MAGI2: variants seen among roughly 807,000 people sequenced by gnomAD.
The protein encoded by MAGI2 is membrane associated guanylate kinase, WW and PDZ domain containing 2.
A neutral mutation model predicts 133.3 loss-of-function variants in MAGI2; 35 were observed. That is an observed-to-expected ratio of 0.26 (90% CI 0.20 to 0.35). The LOEUF (loss-of-function observed/expected upper bound fraction) is 0.35, where lower values mean the gene tolerates loss of function less well. MAGI2 is among the 10% of genes least tolerant of loss of function. MAGI2 has a pLI of 1.00. For synonymous variants in MAGI2, 729 were observed against 710.6 expected, an observed-to-expected ratio of 1.03 and a Z score of -0.41; for missense variants, 1,636 against 1,863.4, an observed-to-expected ratio of 0.88 and a Z score of 2.25.
chr7:79,167,977 G>A (rs1335728913), intron 1 of MAGI2, among the ~76,000 whole-genome samples: 3 of 152,100 alleles, frequency 2.0e-5, no homozygotes, highest in Non-Finnish European at 4.4e-5. Context: ...ACAATAGCAT[G>A]AACGATCTGT....
chr7:78,149,721 C>T (rs1370711641), intron 16 of MAGI2, among the ~76,000 whole-genome samples: 1 of 152,184 alleles, frequency 6.6e-6, no homozygotes, highest in Non-Finnish European at 1.5e-5. Flanking sequence ...GAAGACCCTC[C>T]TCTCATGATG....
chr7:78,248,459 A>G (rs1358558070), intron 10 of MAGI2, among the ~76,000 whole-genome samples: 1 of 152,160 alleles, frequency 6.6e-6, no homozygotes, highest in African/African-American at 2.4e-5. Context: ...GAAATCTCCA[A>G]TCAAAAGACA....
intron 20 of MAGI2, among the ~76,000 whole-genome samples, chr7:78,086,383 G>A (rs989975181): frequency 6.6e-5 from 10 of 151,324 alleles, no homozygotes; most frequent in Admixed American, 4.0e-4. Context: ...GATTACAGGC[G>A]CACTCCACCA....
chr7:78,604,961 C>A (rs1009620223), intron 3 of MAGI2, among the ~76,000 whole-genome samples: 1 of 152,166 alleles, frequency 6.6e-6, no homozygotes, highest in Non-Finnish European at 1.5e-5. Flanking sequence ...TGTATCCATA[C>A]TTCCAATAAT....
chr7:79,093,391 A>G (rs1002979345), intron 1 of MAGI2, among the ~76,000 whole-genome samples: 1 of 152,186 alleles, frequency 6.6e-6, no homozygotes, highest in Non-Finnish European at 1.5e-5. Context: ...CCAGACCACC[A>G]CAATAAAGCA....
At chr7:78,303,150 G>A (rs945739134) in intron 9 of MAGI2, among the ~76,000 whole-genome samples, 1 of 152,012 alleles carries the variant, frequency 6.6e-6, no homozygotes, top group African/African-American at 2.4e-5. Flanking sequence ...GGCCAAGGTG[G>A]GTGGATCATC....
intron 3 of MAGI2, among the ~76,000 whole-genome samples, chr7:78,547,787 T>A (rs1798984726): frequency 6.6e-6 from 1 of 152,214 alleles, no homozygotes; most frequent in African/African-American, 2.4e-5. Flanking sequence ...TGTGCAAACC[T>A]CACATGGACA....
intron 10 of MAGI2, among the ~76,000 whole-genome samples, chr7:78,247,557 A>G (rs528067121): frequency 6.6e-6 from 1 of 152,366 alleles, no homozygotes; most frequent in Non-Finnish European, 1.5e-5. Flanking sequence ...AATCAGAGAA[A>G]CAGTTCATGA....
intron 2 of MAGI2, among the ~76,000 whole-genome samples, chr7:78,797,635 GTATT>G (rs1308352081): frequency 6.6e-6 from 1 of 152,128 alleles, no homozygotes; most frequent in Non-Finnish European, 1.5e-5. Context: ...AAATCAGTGA[GTATT>G]TAGTACCAAA....
chr7:78,031,881 C>T (rs929431486), intron 21 of MAGI2, among the ~76,000 whole-genome samples: 6 of 152,084 alleles, frequency 3.9e-5, no homozygotes, highest in Non-Finnish European at 4.4e-5. Context: ...CTGATCTCTT[C>T]GTCTCCTCTG....
chr7:78,648,107 G>T (rs1483265727), intron 2 of MAGI2, among the ~76,000 whole-genome samples: 5 of 152,094 alleles, frequency 3.3e-5, no homozygotes, highest in African/African-American at 1.2e-4. Context: ...TAACAAACCT[G>T]CAAGTTGTGC....
Position 79,230,104 on chromosome 7 carries a change from C to T in MAGI2, c.302-222898G>A, listed in dbSNP as rs1332459564. On this transcript the variant is annotated intron_variant, in intron 1 of 21. Coordinates refer to ENST00000354212, the MANE Select transcript of MAGI2 (RefSeq NM_012301.4). ...GATGATTTCCAATTTCATCCATGTC[C>T]CTACAAAGGACATGAACTCATCATT... 3.3e-5 allele frequency among the ~76,000 whole-genome samples: 5 copies of T among 151,388 alleles called. No homozygotes were observed. The East Asian group carries it at 9.8e-4, about 30-fold the overall frequency.
intron 1 of MAGI2, among the ~76,000 whole-genome samples, chr7:79,117,429 C>A (rs28599885): frequency 6.6e-6 from 1 of 152,040 alleles, no homozygotes; most frequent in African/African-American, 2.4e-5. Context: ...TGATCAAAAT[C>A]ATAATATGAT....
At chr7:78,307,267 T>C (rs565433713) in intron 9 of MAGI2, among the ~76,000 whole-genome samples, 1 of 152,332 alleles carries the variant, frequency 6.6e-6, no homozygotes, top group Admixed American at 6.5e-5. Flanking sequence ...CTATACAAGT[T>C]GTTAATTATG....
chr7:78,312,335 C>G (rs1319236995), intron 9 of MAGI2, among the ~76,000 whole-genome samples: 1 of 151,988 alleles, frequency 6.6e-6, no homozygotes, highest in Non-Finnish European at 1.5e-5. Flanking sequence ...CAAACCTAAA[C>G]TTCTTATGTA....
At chr7:78,420,014 T>C (rs1470067020) in intron 6 of MAGI2, among the ~76,000 whole-genome samples, 2 of 152,198 alleles carry the variant, frequency 1.3e-5, no homozygotes, top group African/African-American at 4.8e-5. Context: ...TGGGGTACAC[T>C]AGCTGTTTTG....
intron 1 of MAGI2, among the ~76,000 whole-genome samples, chr7:79,365,145 T>C (rs1200519346): frequency 6.6e-6 from 1 of 152,220 alleles, no homozygotes; most frequent in Non-Finnish European, 1.5e-5. Flanking sequence ...ATGTCCAATA[T>C]TATTAGCTAT....
In MAGI2 at chr7:78,277,340, TGAAA is replaced by T. The variant is rs565675408; in HGVS notation, c.1409-20763_1409-20760del. Among the ~76,000 whole-genome samples the T allele has an allele frequency of 5.5e-3, 833 of 152,226 alleles. 4 individuals carry two copies. The highest frequency in any genetic ancestry group is 0.019 in the African/African-American group (785 of 41,542). On this transcript the variant is annotated intron_variant, in intron 9 of 21. Coordinates refer to ENST00000354212, the MANE Select transcript of MAGI2 (RefSeq NM_012301.4). ...TGATCACAAAAGTATCAAAACAAAA[TGAAA>T]GAAACTTTTTACCTCTTCTCTTTGG...
At chr7:78,880,316 C>A (rs766222789) in intron 2 of MAGI2, among the ~76,000 whole-genome samples, 1 of 152,102 alleles carries the variant, frequency 6.6e-6, no homozygotes, top group Non-Finnish European at 1.5e-5. Flanking sequence ...TCTTAAAAGG[C>A]AGCTAGAGGA....
Sources: gnomAD v4.1 joint callset for allele counts (sites outside exome capture counted in the v4.1 genomes callset) on GRCh38, gnomAD v4.1.1 for gene constraint, MANE v1.5 for transcripts, NCBI Gene and HGNC (gene_info 2026-07-23, HGNC 2026-07-21) for gene names.